The following MYH13 variants were observed in gnomAD, a reference collection of about 807,000 sequenced individuals.
MYH13 encodes myosin-13.
A neutral mutation model predicts 232.1 loss-of-function variants in MYH13; 177 were observed. That is an observed-to-expected ratio of 0.76 (90% CI 0.67 to 0.86). The LOEUF (loss-of-function observed/expected upper bound fraction) is 0.86. Ranked by LOEUF, MYH13 falls within the 40% of genes least tolerant of loss-of-function variation. The pLI, the probability that MYH13 is intolerant of heterozygous loss-of-function variation, is 0.00. For synonymous variants in MYH13, 884 were observed against 923.5 expected, an observed-to-expected ratio of 0.96 and a Z score of 0.78; for missense variants, 2,246 against 2,405.9, an observed-to-expected ratio of 0.93 and a Z score of 1.39.
At chr17:10,343,204 A>AT (rs201677244) in intron 16 of MYH13, among the ~76,000 whole-genome samples, 19,441 of 147,132 alleles carry the variant, frequency 0.13, 1,269 homozygotes, top group East Asian at 0.16. Flanking sequence ...AAACCACTAA[A>AT]TTTTTTTTTT....
chr17:10,315,944 T>C lies in MYH13; in HGVS notation c.3820A>G (p.Ile1274Val). Reference protein sequence around the residue: ...KAKDEQQTQLIHDLNMQKARL... With the variant: ...KAKDEQQTQLVHDLNMQKARL... ...GCTTTCTGCATGTTCAGATCATGGATCAACTGTGTCTGTTGCTCGTCCTTG... is the reference window on the plus strand; with the variant it reads ...GCTTTCTGCATGTTCAGATCATGGACCAACTGTGTCTGTTGCTCGTCCTTG... The change falls in exon 28 of 41, where the codon ATC (isoleucine) becomes GTC (valine). Residue 1274 changes from isoleucine to valine, a missense_variant. Coordinates refer to ENST00000252172, the MANE Select transcript of MYH13 (RefSeq NM_003802.3). The C allele has an allele frequency of 6.2e-7, 1 of 1,614,034 alleles. No individual in the cohort carries two copies. Among genetic ancestry groups the C allele is most frequent in the Non-Finnish European group, 8.5e-7 (1 of 1,179,910 alleles).
chr17:10,342,359 C>T (rs1015605446), intron 16 of MYH13, among the ~76,000 whole-genome samples: 1 of 152,012 alleles, frequency 6.6e-6, no homozygotes, highest in Non-Finnish European at 1.5e-5. Flanking sequence ...ACGCCTGGCC[C>T]CTGTGTAACC....
intron 18 of MYH13, 147 bp from the exon 19 acceptor site, chr17:10,333,338 C>T: frequency 1.6e-6 from 1 of 642,708 alleles, no homozygotes; most frequent in South Asian, 1.8e-5. Flanking sequence ...AGGTAGAGGG[C>T]TGGGGGTGGC....
At chr17:10,329,970 A>T (rs1275175316) in intron 21 of MYH13, among the ~76,000 whole-genome samples, 1 of 151,750 alleles carries the variant, frequency 6.6e-6, no homozygotes, top group Non-Finnish European at 1.5e-5. Context: ...ACTGCACTCC[A>T]GCCTGGATGA....
In MYH13 at chr17:10,345,327, G is replaced by A; in HGVS notation, c.1459C>T (p.Leu487=). Residue 487 remains leucine (L), a synonymous_variant, in exon 15 of 41, where the codon CTG becomes TTG. Transcript: ENST00000252172. ...QLCINFTNEK[L]QQFFNHHMFV... is the part of the protein sequence containing the mutation. ...ATGTGGTGGTTGAAAAACTGTTGCA[G>A]TTTCTCATTGGTGAAGTTGATGCAC... 1 of 1,614,230 alleles carries A rather than the reference G, an allele frequency of 6.2e-7. No individual in the cohort carries two copies. The highest frequency in any genetic ancestry group is 8.5e-7 in the Non-Finnish European group (1 of 1,180,048).
intron 5 of MYH13, 143 bp from the exon 6 acceptor site, chr17:10,360,331 ATCT>A (rs2071782390): frequency 2.0e-6 from 2 of 1,007,566 alleles, no homozygotes; most frequent in African/African-American, 1.6e-5. Context: ...GGCATGTCTA[ATCT>A]TCTTTGGGAC....
Position 10,354,752 on chromosome 17 carries a change from G to A in MYH13, c.933C>T (p.Asp311=), listed in dbSNP as rs2071735564. The change falls in exon 11 of 41, where the codon GAC becomes GAT. Residue 311 remains aspartate, a synonymous_variant. Transcript: ENST00000252172. ...CCTCTCCTTGGCTCACGAAGGGGAA[G>A]TCGAAGGGGTTGGTGGAGATCAGAA... ...DLLLISTNPF[D]FPFVSQGEVT... 6.2e-7 allele frequency: 1 copy of A among 1,613,910 alleles called. No individual in the cohort carries two copies. The highest frequency in any genetic ancestry group is 8.5e-7 in the Non-Finnish European group (1 of 1,179,892).
rs748590797 is a variant in MYH13 at position 10,303,440 on chromosome 17, T to C, written c.5525A>G (p.Lys1842Arg). ...VEQKRGAEAL[K>R]GAHKYERKVK... ...TTTGCGTTCGTACTTGTGGGCTCCC[T>C]TCAGGGCTTCAGCTCCCCTCTTCTG... Residue 1842 changes from lysine to arginine, a missense_variant, in exon 38 of 41, where the codon AAG (lysine) becomes AGG (arginine). Transcript: ENST00000252172. 21 of 1,613,976 alleles carry C rather than the reference T, an allele frequency of 1.3e-5. No homozygotes were observed. The highest frequency in any genetic ancestry group is 1.0e-4 in the Admixed American group (6 of 60,014).
rs371008542 is a variant in MYH13 at position 10,327,996 on chromosome 17, G to A, written c.2561C>T (p.Ala854Val). The change falls in exon 22 of 41, where the codon GCC becomes GTC. Residue 854 changes from alanine (A) to valine (V), a missense_variant. Transcript: ENST00000252172. ...CCTCTCAAAGTCTTCCTTCATGGTG[G>A]CCATCTCCTTCTCGGCCTCTGCACT... The part of the protein sequence containing the change: ...LKSAEAEKEM[A>V]TMKEDFERTK... The A allele has an allele frequency of 1.4e-4, 221 of 1,614,106 alleles. 3 individuals are homozygous for A. In the South Asian group the frequency reaches 2.3e-3, roughly 17 times the overall value.
chr17:10,308,956 C>T (rs1224909148), intron 35 of MYH13, among the ~76,000 whole-genome samples: 1 of 152,228 alleles, frequency 6.6e-6, no homozygotes. Flanking sequence ...AGGTGCCTTA[C>T]GTAATAATTA....
chr17:10,366,252 CTTTCCTTCCCTTCTCTCCTCT>C (rs1314670514), intron 2 of MYH13, among the ~76,000 whole-genome samples: 2 of 152,038 alleles, frequency 1.3e-5, no homozygotes, highest in African/African-American at 2.4e-5. Flanking sequence ...TCTCTTTCCT[CTTTCCTTCCCTTCTCTCCTCT>C]TTTCCTTCCC....
intron 16 of MYH13, chr17:10,341,074 G>T: frequency 6.7e-6 from 1 of 150,150 alleles, no homozygotes. Flanking sequence ...ATGGAGTCTC[G>T]CTGCGATGCC....
intron 16 of MYH13, among the ~76,000 whole-genome samples, 179 bp from the exon 17 acceptor site, chr17:10,340,580 A>T (rs959137602): frequency 2.0e-5 from 3 of 151,446 alleles, no homozygotes; most frequent in African/African-American, 7.3e-5. Flanking sequence ...GTGCAATGGC[A>T]CCATCTCAAC....
At position 10,330,511 on chromosome 17, in the gene MYH13, C is replaced by G; in HGVS notation, c.2311G>C (p.Ala771Pro). ...RFGNTKVFFK[A>P]GLLGLLEEMR... ...TCCTCCAAAAGTCCCAGGAGCCCAG[C>G]TTTGAAAAACACCTGCATTAAAAGA... The change falls in exon 21 of 41, where the codon GCT (alanine) becomes CCT (proline). Residue 771 changes from alanine to proline, a missense_variant. Transcript: ENST00000252172. The G allele has an allele frequency of 1.2e-6, 2 of 1,609,180 alleles. No homozygotes were observed. The highest frequency in any genetic ancestry group is 1.7e-6 in the Non-Finnish European group (2 of 1,178,496).
intron 35 of MYH13, 65 bp downstream of exon 35, chr17:10,309,169 C>A: frequency 6.6e-7 from 1 of 1,505,134 alleles, no homozygotes; most frequent in Non-Finnish European, 9.0e-7. Context: ...GAAGCAGCTG[C>A]ACGGTGCAGG....
chr17:10,312,315 TA>T (rs1379384191), intron 31 of MYH13, among the ~76,000 whole-genome samples: 1 of 152,122 alleles, frequency 6.6e-6, no homozygotes, highest in Admixed American at 6.5e-5. Context: ...TCACTAAAAA[TA>T]AAATTGCCTT....
At chr17:10,328,301 G>C (rs1005663393) in intron 21 of MYH13, among the ~76,000 whole-genome samples, 180 bp from the exon 22 acceptor site, 3 of 152,190 alleles carry the variant, frequency 2.0e-5, no homozygotes, top group Non-Finnish European at 4.4e-5. Flanking sequence ...AGAGGAAACA[G>C]AGGTACGTGC....
chr17:10,312,894 G>T, intron 30 of MYH13, 137 bp from the exon 31 acceptor site: 1 of 1,160,604 alleles, frequency 8.6e-7, no homozygotes, highest in Non-Finnish European at 1.2e-6. Context: ...TTGGTGAGTG[G>T]GGAGGATCCA....
intron 20 of MYH13, among the ~76,000 whole-genome samples, chr17:10,330,817 G>C (rs959839076): frequency 6.1e-4 from 92 of 151,918 alleles, no homozygotes; most frequent in Non-Finnish European, 1.6e-4. Flanking sequence ...AGGAGTTCGA[G>C]ACCAGCCTGG....
Sources: allele counts gnomAD v4.1 joint callset (sites outside exome capture counted in the v4.1 genomes callset), GRCh38; gene constraint gnomAD v4.1.1; transcripts MANE v1.5; gene names NCBI Gene and HGNC (gene_info 2026-07-23, HGNC 2026-07-21).